ZNF138: variants seen among roughly 807,000 people sequenced by gnomAD.
The protein encoded by ZNF138 is zinc finger protein 138.
Under a neutral mutation model 33.0 loss-of-function variants are expected in ZNF138, and 33 were observed. The ratio of observed to expected loss-of-function variants is 1.00; its 90% CI spans 0.76 to 1.34. ZNF138 has a LOEUF of 1.34. Among genes scored for constraint, ZNF138 ranks in the 40% most tolerant of loss-of-function variants. The probability of loss-of-function intolerance (pLI) is 0.00; values close to 1 mark genes in which losing one functional copy is unlikely to be tolerated. For synonymous variants in ZNF138, 139 were observed against 120.4 expected (o/e 1.15, Z -1.01); for missense variants, 360 against 370.8 (o/e 0.97, Z 0.24).
At chr7:64,804,548 G>A (rs116151329) in intron 1 of ZNF138, among the ~76,000 whole-genome samples, 2,399 of 147,474 alleles carry the variant, frequency 0.016, 62 homozygotes, top group African/African-American at 0.056. Flanking sequence ...AGGGAGAGGC[G>A]GAGGTGGGTG....
chr7:64,796,760 C>T (rs556196356), intron 1 of ZNF138, among the ~76,000 whole-genome samples: 1 of 152,206 alleles, frequency 6.6e-6, no homozygotes, highest in East Asian at 1.9e-4. Flanking sequence ...AATACATTTC[C>T]GGCGGGGTGC....
the ZNF138 span, among the ~76,000 whole-genome samples, chr7:64,842,283 C>T: frequency 2.7e-5 from 4 of 146,688 alleles, no homozygotes; most frequent in East Asian, 4.0e-4. Flanking sequence ...AGGCTGGTCT[C>T]GAACTCCTGA....
chr7:64,840,323 A>G, the ZNF138 span, among the ~76,000 whole-genome samples: 1 of 152,212 alleles, frequency 6.6e-6, no homozygotes, highest in South Asian at 2.1e-4. Flanking sequence ...ATTTGATAAC[A>G]TAATGGACTA....
intron 1 of ZNF138, among the ~76,000 whole-genome samples, chr7:64,807,473 C>G (rs1562893552): frequency 6.6e-6 from 1 of 152,226 alleles, no homozygotes; most frequent in Non-Finnish European, 1.5e-5. Flanking sequence ...TGCCTCAGCT[C>G]TTTCATTTTA....
In ZNF138 at chr7:64,794,553, C is replaced by A. The variant is rs575157711; in HGVS notation, c.-16C>A. 5.6e-6 allele frequency: 9 copies of A among 1,613,346 alleles called. No individual in the cohort carries two copies. In the African/African-American group the frequency reaches 1.2e-4, roughly 22 times the overall value. ...GATTCACAGCTAAGACGCCAGGATC[C>A]CCCGGAAGCCTAGAAATGGTGAGAG... On this transcript the variant is annotated 5_prime_UTR_variant, in exon 1 of 4. Coordinates refer to ENST00000307355, the MANE Select transcript of ZNF138 (RefSeq NM_001271639.2).
chr7:64,850,334 G>A, the ZNF138 span, among the ~76,000 whole-genome samples: 13 of 152,288 alleles, frequency 8.5e-5, no homozygotes, highest in Admixed American at 4.6e-4. Flanking sequence ...GTTTGCTTCC[G>A]TCAGAGGGTC....
At position 64,812,850 on chromosome 7, in the gene ZNF138, CTTT is replaced by C. The variant is rs34197599; in HGVS notation, c.4-2052_4-2050del. ...GAAGGAGAAAGGGGAAAAAAATTGC[CTTT>C]TTTTTTTTTTTTTTTAGCTTAACAT... is the stretch of plus-strand genomic sequence containing the variant. On this transcript the variant is annotated intron_variant, in intron 1 of 3. Transcript: ENST00000307355. Among the ~76,000 whole-genome samples the C allele has an allele frequency of 1.3e-3, 180 of 141,998 alleles. 14 individuals are homozygous for C. Among genetic ancestry groups the C allele is most frequent in the Admixed American group, 1.3e-3 (19 of 14,256 alleles). 93.2% of individuals were successfully genotyped at this position (141,998 alleles called of 152,430 possible).
chr7:64,852,645 C>A, the ZNF138 span: 6 of 1,416,738 alleles, frequency 4.2e-6, no homozygotes, highest in Non-Finnish European at 6.0e-6. Flanking sequence ...ATCATCACCT[C>A]CTCGTAGGCC....
intron 1 of ZNF138, chr7:64,814,215 AC>A: frequency 1.1e-6 from 1 of 872,624 alleles, no homozygotes; most frequent in Non-Finnish European, 1.5e-6. Context: ...ATCTGCATTA[AC>A]CAGATCTCGA....
chr7:64,797,656 A>T (rs1267906692), intron 1 of ZNF138, among the ~76,000 whole-genome samples: 2 of 152,204 alleles, frequency 1.3e-5, no homozygotes, highest in African/African-American at 4.8e-5. Flanking sequence ...CCACAGGCAG[A>T]TGCAGTAAAC....
At chr7:64,852,139 T>C in the ZNF138 span, among the ~76,000 whole-genome samples, 1 of 152,182 alleles carries the variant, frequency 6.6e-6, no homozygotes, top group Non-Finnish European at 1.5e-5. Flanking sequence ...AGATTCAAAA[T>C]GTATCAACAG....
At chr7:64,797,256 C>T (rs1442794159) in intron 1 of ZNF138, among the ~76,000 whole-genome samples, 1 of 151,972 alleles carries the variant, frequency 6.6e-6, no homozygotes, top group Non-Finnish European at 1.5e-5. Context: ...TAGAAGTGTT[C>T]CCATATGACT....
the ZNF138 span, among the ~76,000 whole-genome samples, chr7:64,855,667 A>C: frequency 1.1e-4 from 1 of 8,782 alleles, no homozygotes; most frequent in African/African-American, 1.2e-4. Flanking sequence ...GATTGCAGGC[A>C]CGCGCCGCCA....
the ZNF138 span, among the ~76,000 whole-genome samples, chr7:64,841,275 G>GTTAATTTT: frequency 6.6e-6 from 1 of 151,978 alleles, no homozygotes; most frequent in South Asian, 2.1e-4. Context: ...CTTTTAATTG[G>GTTAATTTT]AGAATTCTAC....
chr7:64,808,859 T>C (rs2128993841), intron 1 of ZNF138, among the ~76,000 whole-genome samples: 1 of 137,188 alleles, frequency 7.3e-6, no homozygotes, highest in East Asian at 2.0e-4. Flanking sequence ...CATTTAACCC[T>C]GAGTGGACAC....
At chr7:64,829,700 T>C (rs1269143371) in intron 3 of ZNF138, among the ~76,000 whole-genome samples, 3 of 151,458 alleles carry the variant, frequency 2.0e-5, no homozygotes, top group African/African-American at 7.3e-5. Flanking sequence ...TAAAAATTTT[T>C]ATGCTTTTAT....
chr7:64,802,782 A>G (rs116300590), intron 1 of ZNF138, among the ~76,000 whole-genome samples: 2,496 of 152,234 alleles, frequency 0.016, 66 homozygotes, highest in African/African-American at 0.056. Flanking sequence ...AGTGAGCCGC[A>G]AGATCTTTAC....
chr7:64,826,204 C>T (rs188043333), intron 3 of ZNF138, among the ~76,000 whole-genome samples: 58 of 152,004 alleles, frequency 3.8e-4, no homozygotes, highest in Non-Finnish European at 4.7e-4. Context: ...TATGTGTTTC[C>T]TGTAGTTTTT....
the ZNF138 span, among the ~76,000 whole-genome samples, chr7:64,842,169 T>C: frequency 6.6e-6 from 1 of 152,210 alleles, no homozygotes; most frequent in Non-Finnish European, 1.5e-5. Context: ...GTGCAAGCAA[T>C]GCTCCTGCCT....
Sources: allele counts gnomAD v4.1 joint callset (sites outside exome capture counted in the v4.1 genomes callset), GRCh38; gene constraint gnomAD v4.1.1; transcripts MANE v1.5; gene names NCBI Gene and HGNC (gene_info 2026-07-23, HGNC 2026-07-21).